Variants in SIPA1 observed in about 807,000 individuals in gnomAD.
SIPA1 encodes signal-induced proliferation-associated 1.
Under a neutral mutation model 88.1 loss-of-function variants are expected in SIPA1, and 51 were observed. That is an observed-to-expected ratio of 0.58 (90% CI 0.46 to 0.73). The LOEUF (loss-of-function observed/expected upper bound fraction) is 0.73. SIPA1 is among the 30% of genes least tolerant of loss of function. SIPA1 has a pLI of 0.00. For missense variants in SIPA1, 1,348 were observed against 1,467.6 expected, an observed-to-expected ratio of 0.92 and a Z score of 1.33; for synonymous variants, 681 against 664.8, an observed-to-expected ratio of 1.02 and a Z score of -0.37.
At position 65,642,662 on chromosome 11, in the gene SIPA1, C is replaced by T. The variant is rs1856031643; in HGVS notation, c.984+23C>T. ...GTGGTGAGTGGCGGGCCGCGGAGCCCCCAGCCATACAGCTGGCCCCAGTCT... is the reference window on the plus strand; with the variant it reads ...GTGGTGAGTGGCGGGCCGCGGAGCCTCCAGCCATACAGCTGGCCCCAGTCT... On this transcript the variant is annotated intron_variant, in intron 4 of 15. Coordinates refer to ENST00000534313, the MANE Select transcript of SIPA1 (RefSeq NM_006747.4). The surrounding 1 kb of genome is among the most constrained non-coding windows in gnomAD (Gnocchi z 6.5). 2.0e-6 allele frequency: 3 copies of T among 1,504,682 alleles called. No homozygotes were observed. The highest frequency in any genetic ancestry group is 2.7e-6 in the Non-Finnish European group (3 of 1,126,200). 93.2% of individuals were successfully genotyped at this position (1,504,682 alleles called of 1,614,324 possible). A position where few individuals can be genotyped will look rare whatever the true frequency, so the allele number is the denominator to read the frequency against.
intron 2 of SIPA1, among the ~76,000 whole-genome samples, chr11:65,641,892 T>G (rs1007477516): frequency 3.9e-5 from 6 of 152,198 alleles, no homozygotes; most frequent in African/African-American, 1.4e-4. Flanking sequence ...TGGGCTTTTC[T>G]GTGGGGTGAA....
chr11:65,648,676 T>C (rs1026009347), intron 9 of SIPA1, among the ~76,000 whole-genome samples: 22 of 151,580 alleles, frequency 1.5e-4, no homozygotes, highest in Admixed American at 1.3e-3. Flanking sequence ...CTAGTAAAAA[T>C]ACAAAAATTA....
Position 65,647,075 on chromosome 11 carries a change from A to C in SIPA1, c.2031+10A>C. 1 of 1,520,784 alleles carries C rather than the reference A, an allele frequency of 6.6e-7. No individual in the cohort carries two copies. The highest frequency in any genetic ancestry group is 8.8e-7 in the Non-Finnish European group (1 of 1,140,110). The allele number at this position is 1,520,784 out of a possible 1,614,324, so 94.2% of individuals were successfully genotyped here. On this transcript the variant is annotated intron_variant, in intron 8 of 15. Coordinates refer to ENST00000534313, the MANE Select transcript of SIPA1 (RefSeq NM_006747.4). ...GGTGGCGCGCCTGCAGGTGAGCTGG[A>C]GTGGTAAACTGGGGCCCCTGCGCGC...
chr11:65,648,100 T>G (rs936030595), intron 9 of SIPA1, among the ~76,000 whole-genome samples: 4 of 152,074 alleles, frequency 2.6e-5, no homozygotes, highest in African/African-American at 7.2e-5. Context: ...CTCGAACTCC[T>G]GACCTCAGGT....
Position 65,646,288 on chromosome 11 carries a change from C to T in SIPA1, c.1331C>T (p.Pro444Leu). ...GTGTTCCAGGAGCCTGGCAGCAAGC[C>T]CTTCTGCCCCACCACCATCCGCTCG... ...TIVFQEPGSKPFCPTTIRSHF... is the reference protein window; with the variant it reads ...TIVFQEPGSKLFCPTTIRSHF... The change falls in exon 7 of 16, where the codon CCC becomes CTC. Residue 444 changes from proline to leucine, a missense_variant. Around this residue, in one of 4 missense-constraint regions of SIPA1, gnomAD observed 641 missense variants for 797.7 expected, o/e 0.80. Coordinates refer to ENST00000534313, the MANE Select transcript of SIPA1 (RefSeq NM_006747.4). This position sits in a 1 kb window ranked among gnomAD's most constrained non-coding sequence, Gnocchi z 7.5. The T allele has an allele frequency of 1.2e-6, 2 of 1,614,126 alleles. No individual in the cohort carries two copies. The highest frequency in any genetic ancestry group is 8.5e-7 in the Non-Finnish European group (1 of 1,180,008).
In SIPA1 at chr11:65,649,631, C is replaced by T. The variant is rs1386544679; in HGVS notation, c.2596C>T (p.Pro866Ser). ...PDLLLATTAK[P>S]SVPSADSETP... ...CCTCCTCCTGGCCACCACAGCCAAG[C>T]CATCAGTACCCAGTGCTGACAGTGA... Residue 866 changes from proline to serine, a missense_variant, in exon 11 of 16, where the codon CCA becomes TCA. Coordinates refer to ENST00000534313, the MANE Select transcript of SIPA1 (RefSeq NM_006747.4). The T allele has an allele frequency of 6.2e-7, 1 of 1,614,096 alleles. No individual in the cohort carries two copies.
chr11:65,642,757 A>G lies in SIPA1; in HGVS notation c.984+118A>G, dbSNP rs540988066. 1 of 987,854 alleles carries G rather than the reference A, an allele frequency of 1.0e-6. No homozygotes were observed. The highest frequency in any genetic ancestry group is 1.7e-5 in the African/African-American group (1 of 60,546). The allele number at this position is 987,854 out of a possible 1,614,324, so 61.2% of individuals were successfully genotyped here. A position where few individuals can be genotyped will look rare whatever the true frequency, so the allele number is the denominator to read the frequency against. ...TCCTGGGCTGGGTGGTGACCCCAGA[A>G]GAGCTGGCTTTTCAGAGACAGGGCA... On this transcript the variant is annotated intron_variant, in intron 4 of 15. Transcript: ENST00000534313. The surrounding 1 kb of genome is among the most constrained non-coding windows in gnomAD (Gnocchi z 6.5).
chr11:65,646,633 G>A lies in SIPA1; in HGVS notation c.1599G>A (p.Gln533=), dbSNP rs1856123413. The A allele has an allele frequency of 6.5e-7, 1 of 1,548,402 alleles. No individual in the cohort carries two copies. The change falls in exon 8 of 16, where the codon CAG becomes CAA. Residue 533 remains glutamine, a synonymous_variant. Transcript: ENST00000534313. The surrounding 1 kb of genome is among the most constrained non-coding windows in gnomAD (Gnocchi z 7.5). ...ACGCCATGGCCACGCGCACCCGCCAGCAGTACCTGCAAGACCTGGCCACCA... is the reference window on the plus strand; with the variant it reads ...ACGCCATGGCCACGCGCACCCGCCAACAGTACCTGCAAGACCTGGCCACCA... ...QFHAMATRTR[Q]QYLQDLATNE...
chr11:65,639,122 T>G (rs1426101143), intron 1 of SIPA1: 1 of 152,308 alleles, frequency 6.6e-6, no homozygotes, highest in Non-Finnish European at 1.5e-5. Flanking sequence ...TTTTCTTTGT[T>G]TTTTTGGAGA....
In SIPA1 at chr11:65,641,389, G is replaced by A. The variant is rs371357622; in HGVS notation, c.468G>A (p.Ser156=). The A allele has an allele frequency of 6.2e-6, 10 of 1,613,106 alleles. No individual in the cohort carries two copies. In the East Asian group the frequency reaches 6.7e-5, roughly 11 times the overall value. The part of the protein sequence containing the change: ...LASAEDQAAS[S]DLLHGAPGFV... ...CAGCCGAGGACCAGGCTGCCAGCTC[G>A]GACCTGCTGCATGGGGCACCTGGCT... The change falls in exon 2 of 16, where the codon TCG becomes TCA. Residue 156 remains serine (S), a synonymous_variant. Transcript: ENST00000534313.
rs1436112366 is a variant in SIPA1, at chr11:65,642,132, G to C, written c.680-118G>C. 5.1e-6 allele frequency: 7 copies of C among 1,377,314 alleles called. No homozygotes were observed. The Admixed American group carries it at 1.6e-4, about 31-fold the overall frequency. 85.3% of individuals were successfully genotyped at this position (1,377,314 alleles called of 1,614,324 possible). A position where few individuals can be genotyped will look rare whatever the true frequency, so the allele number is the denominator to read the frequency against. ...CTACAGAGGGGCGGGACTTAGTCTA[G>C]GGTCAACATTTGGTGGTGAGATGAA... On this transcript the variant is annotated intron_variant, in intron 2 of 15. Transcript: ENST00000534313. The surrounding 1 kb of genome is among the most constrained non-coding windows in gnomAD (Gnocchi z 6.5).
chr11:65,642,385 G>T lies in SIPA1; in HGVS notation c.807+8G>T. ...ATCGTGCGGACCACGCAGGTGGGCC[G>T]GGATCGCGGGATCAGGACGTGGGTT... On this transcript the variant is annotated splice_region_variant and intron_variant, in intron 3 of 15. Transcript: ENST00000534313. The surrounding 1 kb of genome is among the most constrained non-coding windows in gnomAD (Gnocchi z 6.5). 6.3e-7 allele frequency: 1 copy of T among 1,585,522 alleles called. No homozygotes were observed. Among genetic ancestry groups the T allele is most frequent in the Non-Finnish European group, 8.6e-7 (1 of 1,164,624 alleles).
chr11:65,646,769 G>T lies in SIPA1; in HGVS notation c.1735G>T (p.Gly579Cys). The change falls in exon 8 of 16, where the codon GGC becomes TGC. Residue 579 changes from glycine (G) to cysteine (C), a missense_variant. By Grantham distance (159) the Gly-to-Cys change is radical. Coordinates refer to ENST00000534313, the MANE Select transcript of SIPA1 (RefSeq NM_006747.4). The surrounding 1 kb of genome is among the most constrained non-coding windows in gnomAD (Gnocchi z 7.5). ...CCCAGGCGCCGAGCTGCAGGCAGCGGGCTCACTGGTGTGGGGAGTGCGCGC... is the reference window on the plus strand; with the variant it reads ...CCCAGGCGCCGAGCTGCAGGCAGCGTGCTCACTGGTGTGGGGAGTGCGCGC... Reference protein sequence around the residue: ...RGPGAELQAAGSLVWGVRAAP... With the variant: ...RGPGAELQAACSLVWGVRAAP... 6.7e-7 allele frequency: 1 copy of T among 1,484,132 alleles called. No homozygotes were observed. Among genetic ancestry groups the T allele is most frequent in the Non-Finnish European group, 8.9e-7 (1 of 1,124,736 alleles). 91.9% of individuals were successfully genotyped at this position (1,484,132 alleles called of 1,614,324 possible). A position where few individuals can be genotyped will look rare whatever the true frequency, so the allele number is the denominator to read the frequency against.
At chr11:65,648,263 T>A (rs1426627626) in intron 9 of SIPA1, among the ~76,000 whole-genome samples, 1 of 152,122 alleles carries the variant, frequency 6.6e-6, no homozygotes, top group Non-Finnish European at 1.5e-5. Context: ...TCTTTTTTTT[T>A]AAGTATTGGC....
intron 8 of SIPA1, 68 bp downstream of exon 8, chr11:65,647,133 C>T: frequency 7.0e-7 from 1 of 1,426,332 alleles, no homozygotes; most frequent in Non-Finnish European, 9.1e-7. Context: ...ACCCCTCCCT[C>T]CCGCCGCCTT....
intron 4 of SIPA1, among the ~76,000 whole-genome samples, chr11:65,644,163 GGAGAAAAAGGCCC>G (rs1170334301): frequency 6.6e-6 from 1 of 151,622 alleles, no homozygotes; most frequent in African/African-American, 2.4e-5. Context: ...TTAGGCAGCC[GGAGAAAAAGGCCC>G]GGGGTTTGGT....
In SIPA1 at chr11:65,647,209, C is replaced by T; in HGVS notation, c.2031+144C>T. On this transcript the variant is annotated intron_variant, in intron 8 of 15. Transcript: ENST00000534313. ...AGCCAGCCCCGGGGCTTGGCAAGGC[C>T]GGAACTGGTGCCCTCGGGTAAGCGA... 2.1e-6 allele frequency: 3 copies of T among 1,400,726 alleles called. No homozygotes were observed. The South Asian group carries it at 4.7e-5, about 22-fold the overall frequency. The allele number at this position is 1,400,726 out of a possible 1,614,324, so 86.8% of individuals were successfully genotyped here.
At chr11:65,648,243 G>T (rs1210764686) in intron 9 of SIPA1, among the ~76,000 whole-genome samples, 1 of 152,018 alleles carries the variant, frequency 6.6e-6, no homozygotes, top group East Asian at 1.9e-4. Context: ...TCAAATAGCA[G>T]CCCCCACTAT....
chr11:65,644,813 T>C, intron 4 of SIPA1, 142 bp from the exon 5 acceptor site: 1 of 768,696 alleles, frequency 1.3e-6, no homozygotes, highest in Non-Finnish European at 2.1e-6. Flanking sequence ...CAACAGACTG[T>C]ACTCACCTGA....
Sources: gnomAD v4.1 joint callset for allele counts (sites outside exome capture counted in the v4.1 genomes callset) on GRCh38, gnomAD v4.1.1 for gene constraint, gnomAD v4.1.1 regional missense constraint, Gnocchi (gnomAD v3.1) non-coding constraint, MANE v1.5 for transcripts, NCBI Gene and HGNC (gene_info 2026-07-23, HGNC 2026-07-21) for gene names.